SHANK2: variants seen among roughly 807,000 people sequenced by gnomAD.
SHANK2 encodes the protein SH3 and multiple ankyrin repeat domains protein 2.
Under a neutral mutation model 133.7 loss-of-function variants are expected in SHANK2, and 43 were observed. The observed-to-expected ratio is 0.32, with a 90% CI of 0.25 to 0.41. SHANK2 has a LOEUF of 0.41. SHANK2 is among the 10% of genes least tolerant of loss of function. SHANK2 has a pLI of 1.00. For missense variants in SHANK2, 1,994 were observed against 2,235.8 expected (o/e 0.89, Z 2.18); for synonymous variants, 1,017 against 952.8 (o/e 1.07, Z -1.24).
Position 70,807,456 on chromosome 11 carries a change from G to A in SHANK2, c.1494-285C>T, listed in dbSNP as rs1379589250. On this transcript the variant is annotated intron_variant, in intron 12 of 25. Coordinates refer to ENST00000601538, the MANE Select transcript of SHANK2 (RefSeq NM_012309.5). This position sits in a 1 kb window ranked among gnomAD's most constrained non-coding sequence, Gnocchi z 4.8. Reference sequence around the variant, plus strand: ...GTTCACAGTGGCACCGTTCACAGCAGCCCAAGGGTCCCTCCACAGAATGGA... The same window carrying A: ...GTTCACAGTGGCACCGTTCACAGCAACCCAAGGGTCCCTCCACAGAATGGA... Among the ~76,000 whole-genome samples, 1 of 152,176 alleles carries A rather than the reference G, an allele frequency of 6.6e-6. No homozygotes were observed.
rs150915215 is a variant in SHANK2 at position 70,913,166 on chromosome 11, G to A, written c.1108-16599C>T. ...AAATAAATTCAGGTTAGGTCATGTC[G>A]TTTAGAAAAAAAGGCATTCAATTTA... On this transcript the variant is annotated intron_variant, in intron 10 of 25. Coordinates refer to ENST00000601538, the MANE Select transcript of SHANK2 (RefSeq NM_012309.5). Among the ~76,000 whole-genome samples, 75 of 151,110 alleles carry A rather than the reference G, an allele frequency of 5.0e-4. 1 individual carries two copies. The highest frequency in any genetic ancestry group is 3.5e-3 in the Middle Eastern group (1 of 284).
At chr11:70,794,954 T>C (rs1262769332) in intron 14 of SHANK2, among the ~76,000 whole-genome samples, 1 of 152,182 alleles carries the variant, frequency 6.6e-6, no homozygotes, top group Non-Finnish European at 1.5e-5. Flanking sequence ...ATCTGTGTGT[T>C]TTCCTGTATG....
At chr11:70,826,461 C>A (rs942527362) in intron 11 of SHANK2, 35 of 470,996 alleles carry the variant, frequency 7.4e-5, no homozygotes, top group Non-Finnish European at 1.4e-4. Flanking sequence ...ACAGCTTTTT[C>A]CTTACCTTCC....
chr11:70,587,074 TG>T (rs1280289793), intron 17 of SHANK2, among the ~76,000 whole-genome samples: 4 of 152,314 alleles, frequency 2.6e-5, no homozygotes, highest in African/African-American at 9.6e-5. Flanking sequence ...CTCTAGCCCA[TG>T]GCTCCTCTGC....
At chr11:71,147,900 A>C (rs1233323275) in intron 2 of SHANK2, among the ~76,000 whole-genome samples, 1 of 152,148 alleles carries the variant, frequency 6.6e-6, no homozygotes, top group Non-Finnish European at 1.5e-5. Context: ...CAGATGAGAG[A>C]ATCTCCCAGA....
chr11:71,168,084 C>A (rs1490078539), intron 2 of SHANK2, among the ~76,000 whole-genome samples: 1 of 141,276 alleles, frequency 7.1e-6, no homozygotes. Context: ...GGTTGCCGGG[C>A]GGAGGGGCTC....
intron 17 of SHANK2, among the ~76,000 whole-genome samples, chr11:70,573,489 G>A (rs949631157): frequency 1.4e-5 from 2 of 142,176 alleles, no homozygotes; most frequent in Non-Finnish European, 3.0e-5. Flanking sequence ...TTTAAAAAGT[G>A]TATCATGATA....
chr11:70,489,281 C>G (rs1413374869), intron 24 of SHANK2, 47 bp downstream of exon 24: 4 of 1,583,224 alleles, frequency 2.5e-6, no homozygotes, highest in Non-Finnish European at 3.5e-6. Context: ...ATAAAGTAAA[C>G]TGGGTTACAT....
chr11:70,786,297 C>T (rs1340524007), intron 14 of SHANK2, among the ~76,000 whole-genome samples: 1 of 152,128 alleles, frequency 6.6e-6, no homozygotes, highest in Non-Finnish European at 1.5e-5. Context: ...TAGACCAAGC[C>T]TCACAAAGCA....
chr11:70,501,766 T>C (rs1555158548), intron 20 of SHANK2, among the ~76,000 whole-genome samples, 157 bp downstream of exon 20: 1 of 147,572 alleles, frequency 6.8e-6, no homozygotes, highest in Admixed American at 6.7e-5. Context: ...AAGCCCACGC[T>C]ATCTACACAC....
At chr11:71,237,628 G>A (rs1399572826) in intron 1 of SHANK2, among the ~76,000 whole-genome samples, 5 of 152,162 alleles carry the variant, frequency 3.3e-5, no homozygotes, top group Admixed American at 2.0e-4. Flanking sequence ...AGATCACATC[G>A]TGGCACTTAC....
intron 17 of SHANK2, among the ~76,000 whole-genome samples, chr11:70,619,381 G>A (rs1554996977): frequency 6.6e-6 from 1 of 152,140 alleles, no homozygotes. Flanking sequence ...TTCCTTAGCT[G>A]AGGGTTCATT....
chr11:70,480,192 A>C (rs2058715806), intron 25 of SHANK2, among the ~76,000 whole-genome samples: 3 of 152,176 alleles, frequency 2.0e-5, no homozygotes, highest in Admixed American at 2.0e-4. Context: ...ATGAGCACAG[A>C]AGGCACTTTC....
intron 2 of SHANK2, among the ~76,000 whole-genome samples, chr11:71,168,528 G>C (rs1442662170): frequency 1.3e-5 from 2 of 151,984 alleles, no homozygotes; most frequent in Admixed American, 1.3e-4. Flanking sequence ...ACTCCAGCCT[G>C]GGCACCATTG....
intron 3 of SHANK2, among the ~76,000 whole-genome samples, chr11:71,137,727 A>T (rs1555105045): frequency 6.6e-6 from 1 of 152,158 alleles, no homozygotes; most frequent in Non-Finnish European, 1.5e-5. Context: ...AATCCACCCG[A>T]GGGAAACAAG....
chr11:70,794,291 A>AC (rs566897037), intron 14 of SHANK2, among the ~76,000 whole-genome samples: 22 of 151,790 alleles, frequency 1.4e-4, no homozygotes, highest in South Asian at 1.0e-3. Context: ...AAAAAAAAAA[A>AC]AACAACATAT....
At chr11:71,114,477 T>C (rs549152451) in intron 4 of SHANK2, among the ~76,000 whole-genome samples, 21 of 152,290 alleles carry the variant, frequency 1.4e-4, no homozygotes, top group Non-Finnish European at 2.8e-4. Flanking sequence ...CCAAACAAAA[T>C]GGCTATTTGA....
chr11:71,212,993 A>G (rs1954316068), intron 2 of SHANK2, among the ~76,000 whole-genome samples: 1 of 151,464 alleles, frequency 6.6e-6, no homozygotes, highest in Non-Finnish European at 1.5e-5. Context: ...CCCCAGGGGG[A>G]GGCACAGGGA....
chr11:70,637,441 C>G (rs1177107612), intron 17 of SHANK2, among the ~76,000 whole-genome samples: 1 of 152,130 alleles, frequency 6.6e-6, no homozygotes, highest in Non-Finnish European at 1.5e-5. Flanking sequence ...TGTTTACTCC[C>G]CTCCTGGCCG....
Sources: gnomAD v4.1 joint callset for allele counts (sites outside exome capture counted in the v4.1 genomes callset) on GRCh38, gnomAD v4.1.1 for gene constraint, Gnocchi (gnomAD v3.1) non-coding constraint, MANE v1.5 for transcripts, NCBI Gene and HGNC (gene_info 2026-07-23, HGNC 2026-07-21) for gene names.